The following NPAS2 variants were observed in gnomAD, a reference collection of about 807,000 sequenced individuals.
The protein encoded by NPAS2 is neuronal PAS domain-containing protein 2.
Under a neutral mutation model 107.5 loss-of-function variants are expected in NPAS2, and 23 were observed. That is an observed-to-expected ratio of 0.21 (90% CI 0.15 to 0.30). NPAS2 has a LOEUF of 0.30. Ranked by LOEUF, NPAS2 falls within the 10% of genes least tolerant of loss-of-function variation. NPAS2 has a pLI of 1.00. For missense variants in NPAS2, 756 were observed against 1,043.3 expected (o/e 0.72, Z 3.79); for synonymous variants, 403 against 417.5 (o/e 0.97, Z 0.42).
intron 1 of NPAS2, among the ~76,000 whole-genome samples, chr2:100,876,908 G>T (rs968982925): frequency 2.0e-5 from 3 of 152,198 alleles, no homozygotes; most frequent in Non-Finnish European, 4.4e-5. Flanking sequence ...GCAGCCACCA[G>T]GAGATGCAGG....
intron 1 of NPAS2, among the ~76,000 whole-genome samples, chr2:100,887,610 T>C (rs1680784768): frequency 6.6e-6 from 1 of 152,168 alleles, no homozygotes; most frequent in Admixed American, 6.5e-5. Flanking sequence ...CATGAATTCA[T>C]GTGTCTTTAA....
At chr2:100,908,876 C>T (rs180759191) in intron 2 of NPAS2, among the ~76,000 whole-genome samples, 1 of 152,274 alleles carries the variant, frequency 6.6e-6, no homozygotes, top group East Asian at 1.9e-4. Context: ...TTCGCTGATT[C>T]TTGGGGCTCT....
At chr2:100,978,548 AAG>A (rs1677186567) in intron 15 of NPAS2, among the ~76,000 whole-genome samples, 1 of 152,204 alleles carries the variant, frequency 6.6e-6, no homozygotes, top group South Asian at 2.1e-4. Context: ...GAAAGAAAGA[AAG>A]AAAAGAAAAG....
chr2:100,856,800 C>T (rs774841875), intron 1 of NPAS2, among the ~76,000 whole-genome samples: 1 of 152,142 alleles, frequency 6.6e-6, no homozygotes, highest in African/African-American at 2.4e-5. Context: ...AAGGACCAAA[C>T]ATGAAAAGAG....
At chr2:100,951,803 A>G (rs2105065895) in intron 7 of NPAS2, among the ~76,000 whole-genome samples, 1 of 152,248 alleles carries the variant, frequency 6.6e-6, no homozygotes. Flanking sequence ...TGAACTGTGC[A>G]CTTCAAAACG....
rs373500250 is a variant in NPAS2 at position 100,912,049 on chromosome 2, C to T, written c.32+7263C>T. Among the ~76,000 whole-genome samples the T allele has an allele frequency of 9.8e-5, 15 of 152,286 alleles. No homozygotes were observed. The East Asian group carries it at 1.9e-3, about 20-fold the overall frequency. On this transcript the variant is annotated intron_variant, in intron 2 of 20. Transcript: ENST00000335681. ...GGACAGCACTGTCTTCACTGAGCAT[C>T]GTGTGCTGCAGTTGCCTCTTAAAAC...
intron 1 of NPAS2, chr2:100,901,406 C>A (rs946584285): frequency 5.0e-6 from 2 of 404,000 alleles, no homozygotes; most frequent in Non-Finnish European, 6.7e-6. Flanking sequence ...GCCTGGATTT[C>A]AAACTGGGGG....
intron 11 of NPAS2, chr2:100,970,692 G>T: frequency 3.5e-6 from 1 of 284,508 alleles, no homozygotes; most frequent in Non-Finnish European, 6.5e-6. Flanking sequence ...GTTTTTTAAA[G>T]ACAATTACAA....
chr2:100,911,195 T>A (rs914814362), intron 2 of NPAS2, among the ~76,000 whole-genome samples: 2 of 152,110 alleles, frequency 1.3e-5, no homozygotes, highest in African/African-American at 4.8e-5. Flanking sequence ...ATTTAAAAAA[T>A]TATCCTGAAA....
intron 3 of NPAS2, among the ~76,000 whole-genome samples, chr2:100,927,316 G>C (rs140914402): frequency 7.2e-5 from 11 of 152,130 alleles, no homozygotes. Context: ...GTCGTAAGGT[G>C]GGCTATGAAA....
chr2:100,945,436 C>T (rs185347680), intron 5 of NPAS2, among the ~76,000 whole-genome samples: 222 of 152,346 alleles, frequency 1.5e-3, no homozygotes, highest in African/African-American at 4.9e-3. Flanking sequence ...TCCACTCCTT[C>T]CCCTGTCTCT....
At position 100,964,851 on chromosome 2, in the gene NPAS2, T is replaced by A. The variant is rs1410849100; in HGVS notation, c.718-10T>A. 2 of 1,567,318 alleles carry A rather than the reference T, an allele frequency of 1.3e-6. No individual in the cohort carries two copies. The highest frequency in any genetic ancestry group is 1.7e-6 in the Non-Finnish European group (2 of 1,161,424). ...AAGCAACTTTTTTTTTTTTTCTGCT[T>A]CCAATACAGGAAATGTGCATAGTTG... On this transcript the variant is annotated splice_polypyrimidine_tract_variant and intron_variant, in intron 8 of 20. Coordinates refer to ENST00000335681, the MANE Select transcript of NPAS2 (RefSeq NM_002518.4).
intron 5 of NPAS2, among the ~76,000 whole-genome samples, chr2:100,947,566 CAAATT>C (rs1674979111): frequency 6.7e-6 from 1 of 148,522 alleles, no homozygotes; most frequent in Admixed American, 6.6e-5. Flanking sequence ...AAAAAAAAAA[CAAATT>C]AAAATTCAGT....
intron 1 of NPAS2, among the ~76,000 whole-genome samples, chr2:100,896,321 T>C (rs1479212308): frequency 6.6e-6 from 1 of 152,180 alleles, no homozygotes; most frequent in Non-Finnish European, 1.5e-5. Flanking sequence ...AAACCCCCTA[T>C]TCTGAGCAGC....
chr2:100,872,589 AT>A (rs1396200477), intron 1 of NPAS2, among the ~76,000 whole-genome samples: 1 of 152,128 alleles, frequency 6.6e-6, no homozygotes, highest in African/African-American at 2.4e-5. Context: ...CTGGGGTTTC[AT>A]TTATATTTGT....
chr2:100,849,558 A>G (rs2104463065), intron 1 of NPAS2, among the ~76,000 whole-genome samples: 1 of 152,280 alleles, frequency 6.6e-6, no homozygotes, highest in South Asian at 2.1e-4. Flanking sequence ...CCTCAACCAT[A>G]TTCTAATCAC....
At chr2:100,867,130 ATTTG>A (rs145617465) in intron 1 of NPAS2, among the ~76,000 whole-genome samples, 7,370 of 152,182 alleles carry the variant, frequency 0.048, 603 homozygotes, top group African/African-American at 0.17. Flanking sequence ...AATGGTCAAT[ATTTG>A]TTTGTTGCGT....
intron 12 of NPAS2, among the ~76,000 whole-genome samples, chr2:100,973,427 A>G (rs1676736447): frequency 6.6e-6 from 1 of 152,144 alleles, no homozygotes; most frequent in South Asian, 2.1e-4. Context: ...CTGACTAGGA[A>G]CACATAATTC....
chr2:100,917,849 T>C (rs1682984904), intron 2 of NPAS2, among the ~76,000 whole-genome samples: 1 of 152,212 alleles, frequency 6.6e-6, no homozygotes, highest in South Asian at 2.1e-4. Context: ...ATGATTTCAC[T>C]GGTGAATTCT....
Sources: gnomAD v4.1 joint callset for allele counts (sites outside exome capture counted in the v4.1 genomes callset) on GRCh38, gnomAD v4.1.1 for gene constraint, MANE v1.5 for transcripts, NCBI Gene and HGNC (gene_info 2026-07-23, HGNC 2026-07-21) for gene names.